Variants in MAGI2 observed in about 807,000 individuals in gnomAD.
MAGI2 encodes the protein membrane associated guanylate kinase, WW and PDZ domain containing 2, also known as membrane-associated guanylate kinase, WW and PDZ domain-containing protein 2.
Under a neutral mutation model 133.3 loss-of-function variants are expected in MAGI2, and 35 were observed. The observed-to-expected ratio is 0.26, with a 90% CI of 0.20 to 0.35. The LOEUF (loss-of-function observed/expected upper bound fraction) is 0.35, where lower values mean the gene tolerates loss of function less well. Ranked by LOEUF, MAGI2 falls within the 10% of genes least tolerant of loss-of-function variation. The probability of loss-of-function intolerance (pLI) is 1.00; values close to 1 mark genes in which losing one functional copy is unlikely to be tolerated. For missense variants in MAGI2, 1,636 were observed against 1,863.4 expected (o/e 0.88, Z 2.25); for synonymous variants, 729 against 710.6 (o/e 1.03, Z -0.41).
At chr7:78,314,090 G>C (rs1320660497) in intron 9 of MAGI2, among the ~76,000 whole-genome samples, 1 of 152,038 alleles carries the variant, frequency 6.6e-6, no homozygotes, top group Non-Finnish European at 1.5e-5. Flanking sequence ...CCAAAGGATT[G>C]GTTCCTTGAA....
chr7:78,121,510 T>C (rs6965838), intron 20 of MAGI2, among the ~76,000 whole-genome samples: 105,349 of 152,148 alleles, frequency 0.69, 36,736 homozygotes, highest in African/African-American at 0.75. Context: ...AATATGAATT[T>C]GTAATCAAGA....
At position 78,062,345 on chromosome 7, in the gene MAGI2, C is replaced by G. The variant is rs879822828; in HGVS notation, c.3706+16602G>C. Among the ~76,000 whole-genome samples, 3 of 152,206 alleles carry G rather than the reference C, an allele frequency of 2.0e-5. No individual in the cohort carries two copies. The South Asian group carries it at 6.2e-4, about 32-fold the overall frequency. ...GCCTATAGAGAGGTCCATGGAGTAG[C>G]AGGCGAAGGCCACTTCCCACCCACA... On this transcript the variant is annotated intron_variant, in intron 21 of 21. Transcript: ENST00000354212.
At chr7:78,290,085 A>C (rs561385227) in intron 9 of MAGI2, among the ~76,000 whole-genome samples, 1 of 152,356 alleles carries the variant, frequency 6.6e-6, no homozygotes, top group South Asian at 2.1e-4. Context: ...TAATGACAGG[A>C]TCAAATTCAC....
intron 2 of MAGI2, among the ~76,000 whole-genome samples, chr7:78,748,490 AG>A (rs1478018633): frequency 6.6e-6 from 1 of 152,238 alleles, no homozygotes; most frequent in East Asian, 1.9e-4. Flanking sequence ...ATTAATGCCA[AG>A]ACATACACTA....
intron 1 of MAGI2, among the ~76,000 whole-genome samples, chr7:79,162,936 G>C (rs963007911): frequency 6.6e-6 from 1 of 151,882 alleles, no homozygotes; most frequent in East Asian, 1.9e-4. Context: ...ATGAATACCT[G>C]TCCACATCCA....
At chr7:78,410,547 T>C (rs1797777700) in intron 6 of MAGI2, among the ~76,000 whole-genome samples, 1 of 152,074 alleles carries the variant, frequency 6.6e-6, no homozygotes, top group Non-Finnish European at 1.5e-5. Context: ...TCTCAGTAAC[T>C]ATGGATACTC....
At chr7:78,103,422 C>G (rs187937740) in intron 20 of MAGI2, among the ~76,000 whole-genome samples, 4 of 152,260 alleles carry the variant, frequency 2.6e-5, no homozygotes, top group South Asian at 4.1e-4. Context: ...ATGATCCTTC[C>G]GACACTTCCC....
intron 1 of MAGI2, among the ~76,000 whole-genome samples, chr7:79,011,382 T>C (rs1009163224): frequency 1.3e-5 from 2 of 152,134 alleles, no homozygotes; most frequent in African/African-American, 4.8e-5. Context: ...AGCTCCAGCA[T>C]TGTAGCAAAT....
intron 2 of MAGI2, among the ~76,000 whole-genome samples, chr7:78,699,557 A>C (rs10228359): frequency 0.077 from 11,717 of 152,270 alleles, 468 homozygotes; most frequent in African/African-American, 0.097. Flanking sequence ...ATTCTAAAAT[A>C]CAAAAAATTC....
intron 2 of MAGI2, among the ~76,000 whole-genome samples, chr7:78,828,620 A>G (rs1208772014): frequency 6.6e-6 from 1 of 152,182 alleles, no homozygotes. Context: ...CTAAGGAAAT[A>G]TGAATAAAGT....
At position 78,411,497 on chromosome 7, in the gene MAGI2, T is replaced by G. The variant is rs555945934; in HGVS notation, c.1046-42284A>C. Among the ~76,000 whole-genome samples, 55 of 152,160 alleles carry G rather than the reference T, an allele frequency of 3.6e-4. No homozygotes were observed. The South Asian group carries it at 3.9e-3, about 11-fold the overall frequency. On this transcript the variant is annotated intron_variant, in intron 6 of 21. Transcript: ENST00000354212. ...TTATAGCTAAAGTTTGACAGTAGGCTAATAACTAATACTGGCAGACTGACC... is the reference window on the plus strand; with the variant it reads ...TTATAGCTAAAGTTTGACAGTAGGCGAATAACTAATACTGGCAGACTGACC...
At chr7:78,904,998 G>A (rs1018783740) in intron 2 of MAGI2, among the ~76,000 whole-genome samples, 1 of 152,054 alleles carries the variant, frequency 6.6e-6, no homozygotes, top group Non-Finnish European at 1.5e-5. Flanking sequence ...TGTTCCTCAA[G>A]GATTCATTCC....
intron 5 of MAGI2, among the ~76,000 whole-genome samples, chr7:78,499,411 C>T (rs1794420937): frequency 6.6e-6 from 1 of 152,216 alleles, no homozygotes; most frequent in African/African-American, 2.4e-5. Flanking sequence ...ATTTGTCTCT[C>T]TTCCCCATCT....
intron 7 of MAGI2, among the ~76,000 whole-genome samples, chr7:78,357,611 G>T (rs762851941): frequency 1.6e-4 from 24 of 152,206 alleles, no homozygotes; most frequent in Non-Finnish European, 3.2e-4. Flanking sequence ...GTGCTTAGTG[G>T]AAAGTTGAAT....
At chr7:78,409,807 C>T (rs558697034) in intron 6 of MAGI2, among the ~76,000 whole-genome samples, 2 of 152,090 alleles carry the variant, frequency 1.3e-5, no homozygotes, top group Admixed American at 6.6e-5. Context: ...TGCCCCGACC[C>T]GAGTCTCTGG....
intron 1 of MAGI2, among the ~76,000 whole-genome samples, chr7:79,016,716 G>A (rs1365589345): frequency 1.3e-5 from 2 of 152,126 alleles, no homozygotes; most frequent in East Asian, 3.9e-4. Context: ...TCCCCCAACA[G>A]TGCTGCCATT....
intron 2 of MAGI2, among the ~76,000 whole-genome samples, chr7:78,975,087 A>T (rs1804128936): frequency 6.6e-6 from 1 of 151,718 alleles, no homozygotes; most frequent in Admixed American, 6.6e-5. Flanking sequence ...AGAGTTGGAG[A>T]CTCCAAAATC....
intron 6 of MAGI2, among the ~76,000 whole-genome samples, chr7:78,443,457 T>C (rs571968561): frequency 3.3e-5 from 5 of 152,280 alleles, no homozygotes; most frequent in African/African-American, 1.2e-4. Context: ...TATTTTCAGT[T>C]CATGATGCTA....
At chr7:78,391,158 G>C (rs565921250) in intron 6 of MAGI2, among the ~76,000 whole-genome samples, 1 of 152,254 alleles carries the variant, frequency 6.6e-6, no homozygotes, top group African/African-American at 2.4e-5. Flanking sequence ...TCTCCACATC[G>C]CTCTTCAGTC....
Sources: allele counts gnomAD v4.1 joint callset (sites outside exome capture counted in the v4.1 genomes callset), GRCh38; gene constraint gnomAD v4.1.1; transcripts MANE v1.5; gene names NCBI Gene and HGNC (gene_info 2026-07-23, HGNC 2026-07-21).